ABAT: variants seen among roughly 807,000 people sequenced by gnomAD.
ABAT encodes the protein 4-aminobutyrate aminotransferase, mitochondrial.
ABAT carries 45 observed loss-of-function variants against 64.6 expected under a neutral mutation model. The ratio of observed to expected loss-of-function variants is 0.70; its 90% CI spans 0.55 to 0.89. The LOEUF (loss-of-function observed/expected upper bound fraction) is 0.89. Ranked by LOEUF, ABAT falls within the 40% of genes least tolerant of loss-of-function variation. The pLI is 0.00. For missense variants in ABAT, 633 were observed against 658.4 expected, an observed-to-expected ratio of 0.96 and a Z score of 0.42; for synonymous variants, 297 against 250.5, an observed-to-expected ratio of 1.19 and a Z score of -1.75.
rs1198154989 is a variant in ABAT at position 8,724,731 on chromosome 16, GAAAAAAAAAAAAAACAAAA to G, written c.-41-10953_-41-10935del. 6.8e-3 allele frequency among the ~76,000 whole-genome samples: 495 copies of G among 73,180 alleles called. 2 individuals carry two copies. The highest frequency in any genetic ancestry group is 9.5e-3 in the African/African-American group (220 of 23,246). 48.0% of individuals were successfully genotyped at this position (73,180 alleles called of 152,430 possible). On this transcript the variant is annotated intron_variant, in intron 1 of 15. Transcript: ENST00000268251. ...GCAATAGAGCCAGACCTTGTCTCAG[GAAAAAAAAAAAAAACAAAA>G]AAAAAAAAAAAAAAAAAAACAATGG...
chr16:8,764,236 A>T lies in ABAT; in HGVS notation c.447+87A>T. 1 of 1,108,564 alleles carries T rather than the reference A, an allele frequency of 9.0e-7. No individual in the cohort carries two copies. The allele number at this position is 1,108,564 out of a possible 1,614,324, so 68.7% of individuals were successfully genotyped here. On this transcript the variant is annotated intron_variant, in intron 7 of 15. Transcript: ENST00000268251. This position sits in a 1 kb window ranked among gnomAD's most constrained non-coding sequence, Gnocchi z 4.2. ...GTGGAGACGCCAACAATGAAGAATAAGGTGTTGCTACAGAAATCTTTCTCT... is the reference window on the plus strand; with the variant it reads ...GTGGAGACGCCAACAATGAAGAATATGGTGTTGCTACAGAAATCTTTCTCT...
At chr16:8,727,894 C>T (rs1453321740) in intron 1 of ABAT, among the ~76,000 whole-genome samples, 1 of 152,144 alleles carries the variant, frequency 6.6e-6, no homozygotes, top group Non-Finnish European at 1.5e-5. Flanking sequence ...AATAGCAAGA[C>T]CTCATCTCTA....
chr16:8,711,480 T>C (rs1261683211), intron 1 of ABAT, among the ~76,000 whole-genome samples: 1 of 152,056 alleles, frequency 6.6e-6, no homozygotes, highest in East Asian at 1.9e-4. Flanking sequence ...CTTGAACAAA[T>C]GAGTAGGCAG....
chr16:8,730,106 C>T (rs2058676652), intron 1 of ABAT, among the ~76,000 whole-genome samples: 1 of 152,154 alleles, frequency 6.6e-6, no homozygotes, highest in African/African-American at 2.4e-5. Context: ...TAGGAGCTGC[C>T]TCCTAGGGCT....
chr16:8,777,937 G>T (rs903930045), intron 14 of ABAT, among the ~76,000 whole-genome samples: 35 of 151,584 alleles, frequency 2.3e-4, no homozygotes, highest in African/African-American at 7.6e-4. Context: ...GCAACATGGT[G>T]AGAACCCATA....
chr16:8,698,209 G>A (rs1421188524), intron 1 of ABAT, among the ~76,000 whole-genome samples: 1 of 152,170 alleles, frequency 6.6e-6, no homozygotes, highest in African/African-American at 2.4e-5. Flanking sequence ...CGGAGGAGTG[G>A]TTGAGAATAA....
chr16:8,708,465 C>T (rs1051421914), intron 1 of ABAT, among the ~76,000 whole-genome samples: 8 of 151,638 alleles, frequency 5.3e-5, no homozygotes, highest in South Asian at 2.1e-4. Flanking sequence ...TGGTGGGGGG[C>T]GCAGGTGGCT....
intron 5 of ABAT, among the ~76,000 whole-genome samples, chr16:8,751,622 C>A (rs558845493): frequency 6.6e-6 from 1 of 152,278 alleles, no homozygotes; most frequent in South Asian, 2.1e-4. Context: ...CAGTCATCGC[C>A]CATCAGCTGC....
intron 1 of ABAT, among the ~76,000 whole-genome samples, chr16:8,718,957 A>G (rs28602865): frequency 0.15 from 23,491 of 152,218 alleles, 3,173 homozygotes; most frequent in African/African-American, 0.36. Context: ...CCTTGAAGGA[A>G]ATATAAATGT....
chr16:8,725,512 T>A (rs932766409), intron 1 of ABAT, among the ~76,000 whole-genome samples: 3 of 152,244 alleles, frequency 2.0e-5, no homozygotes, highest in Non-Finnish European at 4.4e-5. Context: ...ATAAAAAATA[T>A]TTTGAGATTT....
At chr16:8,717,686 G>T (rs2058251216) in intron 1 of ABAT, among the ~76,000 whole-genome samples, 1 of 152,126 alleles carries the variant, frequency 6.6e-6, no homozygotes, top group African/African-American at 2.4e-5. Context: ...GATAGTCCAA[G>T]ACACTGATTT....
At chr16:8,748,027 C>A in intron 3 of ABAT, 81 bp from the exon 4 acceptor site, 1 of 1,407,112 alleles carries the variant, frequency 7.1e-7, no homozygotes, top group South Asian at 1.2e-5. Flanking sequence ...AATGCCAAGA[C>A]TTGGGAAAAC....
At chr16:8,735,894 G>A (rs2058912907) in intron 2 of ABAT, 85 bp downstream of exon 2, 1 of 1,193,606 alleles carries the variant, frequency 8.4e-7, no homozygotes, top group Admixed American at 2.0e-5. Context: ...AGAGCCCTTG[G>A]GGATAAAGGG....
At chr16:8,678,120 G>C (rs1201608810) in intron 1 of ABAT, among the ~76,000 whole-genome samples, 1 of 152,168 alleles carries the variant, frequency 6.6e-6, no homozygotes, top group African/African-American at 2.4e-5. Flanking sequence ...CCTCGTTTTG[G>C]TTTCTGTGTA....
chr16:8,741,345 A>C (rs548148376), intron 2 of ABAT, among the ~76,000 whole-genome samples: 84 of 152,372 alleles, frequency 5.5e-4, no homozygotes, highest in African/African-American at 1.9e-3. Context: ...GATGAAATCA[A>C]AGATAGCCTC....
At chr16:8,690,370 T>A (rs770856700) in intron 1 of ABAT, among the ~76,000 whole-genome samples, 6 of 152,258 alleles carry the variant, frequency 3.9e-5, no homozygotes, top group Non-Finnish European at 8.8e-5. Flanking sequence ...GCATGATTCC[T>A]ACTCTATGGA....
intron 9 of ABAT, among the ~76,000 whole-genome samples, chr16:8,767,473 A>G (rs893519241): frequency 2.6e-5 from 4 of 152,164 alleles, no homozygotes; most frequent in Non-Finnish European, 4.4e-5. Context: ...CCTGAGTAGT[A>G]GGGAGCCAGG....
chr16:8,683,035 C>G (rs1456839593), intron 1 of ABAT, among the ~76,000 whole-genome samples: 1 of 152,196 alleles, frequency 6.6e-6, no homozygotes, highest in South Asian at 2.1e-4. Context: ...GTAATTGGTG[C>G]CTGAGCTGAA....
intron 4 of ABAT, among the ~76,000 whole-genome samples, 171 bp from the exon 5 acceptor site, chr16:8,750,251 C>G (rs577911191): frequency 6.6e-6 from 1 of 151,980 alleles, no homozygotes; most frequent in African/African-American, 2.4e-5. Flanking sequence ...ATAAAGCAAA[C>G]CACCCATGCA....
Sources: allele counts gnomAD v4.1 joint callset (sites outside exome capture counted in the v4.1 genomes callset), GRCh38; gene constraint gnomAD v4.1.1; non-coding constraint Gnocchi (gnomAD v3.1); transcripts MANE v1.5; gene names NCBI Gene and HGNC (gene_info 2026-07-23, HGNC 2026-07-21).